The following SNTB1 variants were observed in gnomAD, a reference collection of about 807,000 sequenced individuals.
SNTB1 encodes the protein syntrophin beta 1.
In SNTB1, 36 loss-of-function variants were observed where a neutral mutation model predicts 48.9. The observed-to-expected ratio is 0.74, with a 90% CI of 0.56 to 0.97. The LOEUF (loss-of-function observed/expected upper bound fraction) is 0.97. Among genes scored for constraint, SNTB1 ranks in the 50% least tolerant of loss-of-function variants. The pLI, the probability that SNTB1 is intolerant of heterozygous loss-of-function variation, is 0.00. For synonymous variants in SNTB1, 299 were observed against 294.6 expected, an observed-to-expected ratio of 1.01 and a Z score of -0.15; for missense variants, 786 against 703.4, an observed-to-expected ratio of 1.12 and a Z score of -1.33.
chr8:120,658,719 T>C (rs767289756), intron 2 of SNTB1, among the ~76,000 whole-genome samples: 4 of 152,186 alleles, frequency 2.6e-5, no homozygotes, highest in Non-Finnish European at 5.9e-5. Flanking sequence ...GGGCCTTGCC[T>C]CAATGCTGAT....
At chr8:120,736,917 C>G (rs1382398223) in intron 1 of SNTB1, among the ~76,000 whole-genome samples, 1 of 152,184 alleles carries the variant, frequency 6.6e-6, no homozygotes, top group Non-Finnish European at 1.5e-5. Flanking sequence ...TTAAACTCCT[C>G]TCTCTCCATC....
rs191497190 is a variant in SNTB1, at chr8:120,785,650, C to T, written c.571+25623G>A. ...CCATGTGGCTTTGCTCCTCCACCCACTCTGGTAGTGAAACACAATTAACAG... is the reference window on the plus strand; with the variant it reads ...CCATGTGGCTTTGCTCCTCCACCCATTCTGGTAGTGAAACACAATTAACAG... On this transcript the variant is annotated intron_variant, in intron 1 of 6. Transcript: ENST00000517992. Among the ~76,000 whole-genome samples the T allele has an allele frequency of 2.3e-3, 357 of 152,330 alleles. 1 individual carries two copies. Among genetic ancestry groups the T allele is most frequent in the African/African-American group, 8.2e-3 (341 of 41,580 alleles).
chr8:120,649,445 C>T (rs1460043927), intron 2 of SNTB1, among the ~76,000 whole-genome samples: 2 of 140,306 alleles, frequency 1.4e-5, no homozygotes, highest in Admixed American at 7.2e-5. Flanking sequence ...GTCAGTGTGC[C>T]CCTGCTGGGG....
At chr8:120,555,282 C>T (rs1180174955) in intron 4 of SNTB1, among the ~76,000 whole-genome samples, 3 of 152,112 alleles carry the variant, frequency 2.0e-5, no homozygotes, top group South Asian at 2.1e-4. Flanking sequence ...CAGGGGTCTC[C>T]GAGCAGAAAG....
intron 1 of SNTB1, among the ~76,000 whole-genome samples, chr8:120,741,886 G>A (rs578232499): frequency 2.0e-5 from 3 of 152,318 alleles, no homozygotes; most frequent in Non-Finnish European, 4.4e-5. Flanking sequence ...GGAGAAGGAG[G>A]AGGTGGAGTA....
chr8:120,674,326 T>C (rs1158170289), intron 2 of SNTB1, among the ~76,000 whole-genome samples: 2 of 152,354 alleles, frequency 1.3e-5, no homozygotes, highest in Non-Finnish European at 2.9e-5. Flanking sequence ...GGAGTATTTA[T>C]TCACTGTCTA....
intron 1 of SNTB1, among the ~76,000 whole-genome samples, chr8:120,731,043 T>C (rs958772524): frequency 6.6e-6 from 1 of 151,942 alleles, no homozygotes; most frequent in African/African-American, 2.4e-5. Flanking sequence ...ATTGCTTGAA[T>C]TCAGAAGGTG....
At chr8:120,592,847 C>A (rs1001047313) in intron 3 of SNTB1, among the ~76,000 whole-genome samples, 7 of 152,186 alleles carry the variant, frequency 4.6e-5, no homozygotes, top group Non-Finnish European at 8.8e-5. Context: ...GAATTAAATG[C>A]CACTGGGGAG....
chr8:120,651,132 A>G (rs1587063961), intron 2 of SNTB1, among the ~76,000 whole-genome samples: 2 of 152,324 alleles, frequency 1.3e-5, no homozygotes, highest in Middle Eastern at 3.4e-3. Flanking sequence ...TGTGCACAAT[A>G]AAATTGTATT....
intron 3 of SNTB1, among the ~76,000 whole-genome samples, chr8:120,596,237 C>T (rs990722339): frequency 8.5e-5 from 13 of 152,158 alleles, no homozygotes; most frequent in Admixed American, 3.9e-4. Context: ...CATTAAGGCA[C>T]ACATTCACAA....
chr8:120,684,125 C>G (rs555441587), intron 2 of SNTB1, among the ~76,000 whole-genome samples: 40 of 152,230 alleles, frequency 2.6e-4, no homozygotes, highest in African/African-American at 9.2e-4. Context: ...ATTATGTGTC[C>G]TTATGTAGCA....
At chr8:120,592,869 G>A (rs774298407) in intron 3 of SNTB1, among the ~76,000 whole-genome samples, 33 of 152,218 alleles carry the variant, frequency 2.2e-4, no homozygotes, top group Non-Finnish European at 3.8e-4. Context: ...TAACAGGGCC[G>A]GTGAATCTGC....
intron 2 of SNTB1, chr8:120,636,015 T>C (rs1817069416): frequency 5.1e-6 from 5 of 990,018 alleles, no homozygotes; most frequent in Non-Finnish European, 5.5e-6. Context: ...GAAGATCTTT[T>C]GCAAGATGGC....
chr8:120,580,147 T>C (rs1403514224), intron 3 of SNTB1, among the ~76,000 whole-genome samples: 1 of 152,250 alleles, frequency 6.6e-6, no homozygotes, highest in Non-Finnish European at 1.5e-5. Flanking sequence ...TACAGCTCTT[T>C]GTTCAGTGCA....
chr8:120,769,962 A>G (rs551230350), intron 1 of SNTB1, among the ~76,000 whole-genome samples: 1 of 152,240 alleles, frequency 6.6e-6, no homozygotes, highest in South Asian at 2.1e-4. Flanking sequence ...GACAGGGTCA[A>G]GAACAAAAAC....
chr8:120,631,055 G>A (rs1428889891), intron 3 of SNTB1, among the ~76,000 whole-genome samples: 1 of 152,156 alleles, frequency 6.6e-6, no homozygotes, highest in East Asian at 1.9e-4. Context: ...CAGAACCCGG[G>A]CATGCTCATT....
At position 120,569,045 on chromosome 8, in the gene SNTB1, G is replaced by C. The variant is rs1252827377; in HGVS notation, c.1136+6041C>G. 3.3e-5 allele frequency among the ~76,000 whole-genome samples: 5 copies of C among 152,248 alleles called. No homozygotes were observed. In the East Asian group the frequency reaches 5.8e-4, roughly 18 times the overall value. On this transcript the variant is annotated intron_variant, in intron 4 of 6. Coordinates refer to ENST00000517992, the MANE Select transcript of SNTB1 (RefSeq NM_021021.4). Reference sequence around the variant, plus strand: ...TGCCCAGGCTGGAGTGCAGTGGCGCGATCTCGGCTCACTGCAATGCCGCCT... The same window carrying C: ...TGCCCAGGCTGGAGTGCAGTGGCGCCATCTCGGCTCACTGCAATGCCGCCT...
At chr8:120,662,030 C>T (rs994270700) in intron 2 of SNTB1, among the ~76,000 whole-genome samples, 1 of 152,122 alleles carries the variant, frequency 6.6e-6, no homozygotes, top group Admixed American at 6.5e-5. Flanking sequence ...AGATATTTCA[C>T]TGTCAAGGTC....
chr8:120,558,961 TTAAATGAATGAC>T (rs1300634764), intron 4 of SNTB1, among the ~76,000 whole-genome samples: 2 of 152,192 alleles, frequency 1.3e-5, no homozygotes, highest in Non-Finnish European at 2.9e-5. Context: ...TCAGTATCTG[TTAAATGAATGAC>T]TAAATGAATA....
Sources: gnomAD v4.1 joint callset for allele counts (sites outside exome capture counted in the v4.1 genomes callset) on GRCh38, gnomAD v4.1.1 for gene constraint, MANE v1.5 for transcripts, NCBI Gene and HGNC (gene_info 2026-07-23, HGNC 2026-07-21) for gene names.